The following POLQ variants were observed in gnomAD, a reference collection of about 807,000 sequenced individuals.
POLQ encodes the protein epididymis secretory sperm binding protein.
A neutral mutation model predicts 259.2 loss-of-function variants in POLQ; 233 were observed. The observed-to-expected ratio is 0.90, with a 90% CI of 0.81 to 1.00. POLQ has a LOEUF of 1.00. POLQ is among the 50% of genes least tolerant of loss of function. The pLI is 0.00. For missense variants in POLQ, 2,871 were observed against 3,051.6 expected (o/e 0.94, Z 1.39); for synonymous variants, 1,025 against 1,048.8 (o/e 0.98, Z 0.44).
rs558692554 is a variant in POLQ at position 121,442,446 on chromosome 3, C to A, written c.7265-2330G>T. Reference sequence around the variant, plus strand: ...AACAATACCCCCTACCCCCAATACCCTTCCCAGCTTCTGGTAACCATTACT... The same window carrying A: ...AACAATACCCCCTACCCCCAATACCATTCCCAGCTTCTGGTAACCATTACT... On this transcript the variant is annotated intron_variant, in intron 26 of 29. Coordinates refer to ENST00000264233, the MANE Select transcript of POLQ (RefSeq NM_199420.4). Among the ~76,000 whole-genome samples the A allele has an allele frequency of 2.0e-5, 3 of 152,304 alleles. No individual in the cohort carries two copies. In the South Asian group the frequency reaches 6.2e-4, roughly 32 times the overall value.
rs1241161062 is a variant in POLQ at position 121,472,129 on chromosome 3, T to C, written c.6579A>G (p.Leu2193=). 6.4e-7 allele frequency: 1 copy of C among 1,554,900 alleles called. No individual in the cohort carries two copies. Among genetic ancestry groups the C allele is most frequent in the Non-Finnish European group, 8.8e-7 (1 of 1,136,444 alleles). Residue 2193 remains leucine (L), a synonymous_variant, in exon 22 of 30, where the codon TTA becomes TTG. Transcript: ENST00000264233. ...TTCTCCATTCTAATATCAAGCCTGG[T>C]AAAGGATGTAATGCCTTTAATTTAT... ...VLNKLKALHP[L]PGLILEWRRI...
intron 12 of POLQ, among the ~76,000 whole-genome samples, chr3:121,503,459 T>C (rs1194748463): frequency 6.6e-6 from 1 of 152,190 alleles, no homozygotes; most frequent in Non-Finnish European, 1.5e-5. Flanking sequence ...TCCCTGAGAA[T>C]ACCGACTGTA....
chr3:121,478,147 G>A (rs954641291), intron 19 of POLQ, among the ~76,000 whole-genome samples: 5 of 152,010 alleles, frequency 3.3e-5, no homozygotes, highest in Non-Finnish European at 5.9e-5. Flanking sequence ...ACAACAACAG[G>A]ATGAGGAGCA....
chr3:121,543,211 C>A (rs891692475), intron 2 of POLQ, among the ~76,000 whole-genome samples: 6 of 152,156 alleles, frequency 3.9e-5, no homozygotes, highest in Non-Finnish European at 7.3e-5. Flanking sequence ...GAATGATACC[C>A]AAGTTTCAGT....
intron 15 of POLQ, among the ~76,000 whole-genome samples, chr3:121,491,550 G>A (rs1457165878): frequency 2.6e-5 from 4 of 152,088 alleles, no homozygotes; most frequent in African/African-American, 9.7e-5. Context: ...GCAGGGCCCA[G>A]TCAGCACCCT....
intron 12 of POLQ, among the ~76,000 whole-genome samples, chr3:121,499,221 G>A (rs893137391): frequency 1.3e-5 from 2 of 151,232 alleles, no homozygotes; most frequent in East Asian, 1.9e-4. Context: ...AGGACAAATG[G>A]AAAGAGATCA....
Position 121,481,741 on chromosome 3 carries a change from A to C in POLQ, c.6042T>G (p.Pro2014=). ...TCCCTTCTAGGAGTGGAAGCTCATG[A>C]GGAAGAAAACTGGTAACTATGCTAT... ...TLHSIVTSFL[P]HELPLLEGME... Residue 2014 remains proline, a synonymous_variant, in exon 19 of 30, where the codon CCT becomes CCG. Coordinates refer to ENST00000264233, the MANE Select transcript of POLQ (RefSeq NM_199420.4). 6.2e-7 allele frequency: 1 copy of C among 1,614,074 alleles called. No homozygotes were observed. The highest frequency in any genetic ancestry group is 1.1e-5 in the South Asian group (1 of 91,082).
intron 14 of POLQ, chr3:121,494,017 C>G (rs953356301): frequency 6.6e-6 from 4 of 606,382 alleles, no homozygotes; most frequent in Non-Finnish European, 1.2e-5. Flanking sequence ...AACAAGAAGC[C>G]CTCACCCTAA....
Position 121,488,232 on chromosome 3 carries a change from C to T in POLQ, c.4699G>A (p.Val1567Ile), listed in dbSNP as rs775586011. 3 of 1,613,360 alleles carry T rather than the reference C, an allele frequency of 1.9e-6. No homozygotes were observed. The highest frequency in any genetic ancestry group is 2.5e-6 in the Non-Finnish European group (3 of 1,179,820). The part of the protein sequence containing the change: ...IFSEMDSVQM[V>I]EALDNVDIFP... ...ATATCCACATTGTCCAAAGCTTCAA[C>T]CATCTGAACAGAATCCATTTCTGAA... is the stretch of plus-strand genomic sequence containing the variant. Residue 1567 changes from valine (V) to isoleucine (I), a missense_variant, in exon 16 of 30, where the codon GTT becomes ATT. Around this residue, in one of 3 missense-constraint regions of POLQ, gnomAD observed 2,080 missense variants for 2,126.0 expected, o/e 0.98. Coordinates refer to ENST00000264233, the MANE Select transcript of POLQ (RefSeq NM_199420.4).
At chr3:121,519,393 A>T (rs556012877) in intron 9 of POLQ, among the ~76,000 whole-genome samples, 1 of 143,434 alleles carries the variant, frequency 7.0e-6, no homozygotes, top group Non-Finnish European at 1.5e-5. Flanking sequence ...TATGAAAATT[A>T]TGCCAGGCGC....
chr3:121,522,762 C>G (rs73179909), intron 7 of POLQ, among the ~76,000 whole-genome samples: 5,505 of 152,160 alleles, frequency 0.036, 152 homozygotes, highest in Middle Eastern at 0.082. Flanking sequence ...AAGGGTAAGA[C>G]GAAGCCCACA....
At chr3:121,500,072 G>A (rs2048154948) in intron 12 of POLQ, among the ~76,000 whole-genome samples, 1 of 152,130 alleles carries the variant, frequency 6.6e-6, no homozygotes, top group African/African-American at 2.4e-5. Flanking sequence ...CTTGAGCTCA[G>A]GAGTTTGAGA....
intron 12 of POLQ, among the ~76,000 whole-genome samples, chr3:121,500,198 C>T (rs1277020336): frequency 6.7e-6 from 1 of 149,700 alleles, no homozygotes; most frequent in Non-Finnish European, 1.5e-5. Flanking sequence ...GGGAAGACTG[C>T]TTGAGCCCAG....
At chr3:121,524,072 C>G (rs2048356043) in intron 7 of POLQ, among the ~76,000 whole-genome samples, 1 of 152,178 alleles carries the variant, frequency 6.6e-6, no homozygotes, top group African/African-American at 2.4e-5. Context: ...TCATCATAGA[C>G]CAGGCTCCAG....
chr3:121,509,560 C>T lies in POLQ; in HGVS notation c.1959+1G>A. The T allele has an allele frequency of 1.2e-6, 2 of 1,608,466 alleles. No homozygotes were observed. The highest frequency in any genetic ancestry group is 1.7e-6 in the Non-Finnish European group (2 of 1,177,784). ...AACATAATTGTTAAAACAGAACTTA[C>T]CAGATAGAGAATATGAAGATCATTC... On this transcript the variant is annotated splice_donor_variant, in intron 12 of 29. Transcript: ENST00000264233. LOFTEE classifies it high-confidence loss of function.
chr3:121,514,022 CA>C (rs1185320178), intron 9 of POLQ, among the ~76,000 whole-genome samples: 1,404 of 27,666 alleles, frequency 0.051, 14 homozygotes, highest in African/African-American at 0.15. Flanking sequence ...AACTCCATCT[CA>C]AAAAAAAAAA....
chr3:121,453,611 G>A (rs553615085), intron 25 of POLQ, among the ~76,000 whole-genome samples: 59 of 152,280 alleles, frequency 3.9e-4, no homozygotes, highest in African/African-American at 6.3e-4. Context: ...CTCAGGAGCC[G>A]ATGCGATCAA....
chr3:121,439,722 T>C (rs181829011), intron 27 of POLQ, among the ~76,000 whole-genome samples: 4 of 152,368 alleles, frequency 2.6e-5, no homozygotes, highest in East Asian at 3.9e-4. Flanking sequence ...CCTAAGCTAA[T>C]AAATAATTGG....
At chr3:121,469,326 C>T (rs976209113) in intron 22 of POLQ, among the ~76,000 whole-genome samples, 3 of 151,982 alleles carry the variant, frequency 2.0e-5, no homozygotes, top group Admixed American at 6.6e-5. Flanking sequence ...AATTTTGTTA[C>T]TGTGATTTTT....
Sources: gnomAD v4.1 joint callset for allele counts (sites outside exome capture counted in the v4.1 genomes callset) on GRCh38, gnomAD v4.1.1 for gene constraint, gnomAD v4.1.1 regional missense constraint, MANE v1.5 for transcripts, NCBI Gene and HGNC (gene_info 2026-07-23, HGNC 2026-07-21) for gene names.